VKORC1L1: variants seen among roughly 807,000 people sequenced by gnomAD.
The protein encoded by VKORC1L1 is vitamin K epoxide reductase complex subunit 1L1, also known as vitamin K epoxide reductase complex subunit 1-like protein 1.
Under a neutral mutation model 18.9 loss-of-function variants are expected in VKORC1L1, and 2 were observed. The observed-to-expected ratio is 0.11, with a 90% CI of 0.04 to 0.33. The LOEUF (loss-of-function observed/expected upper bound fraction) is 0.33, where lower values mean the gene tolerates loss of function less well. Among genes scored for constraint, VKORC1L1 ranks in the 10% least tolerant of loss-of-function variants. The pLI, the probability that VKORC1L1 is intolerant of heterozygous loss-of-function variation, is 1.00. For synonymous variants in VKORC1L1, 96 were observed against 100.0 expected, an observed-to-expected ratio of 0.96 and a Z score of 0.24; for missense variants, 123 against 224.1, an observed-to-expected ratio of 0.55 and a Z score of 2.88.
intron 1 of VKORC1L1, among the ~76,000 whole-genome samples, chr7:65,896,956 A>G (rs1789224050): frequency 6.6e-6 from 1 of 152,140 alleles, no homozygotes; most frequent in South Asian, 2.1e-4. Flanking sequence ...CCGAGATCGC[A>G]CCATTGCACT....
At chr7:65,926,034 A>G (rs1490974309) in intron 1 of VKORC1L1, among the ~76,000 whole-genome samples, 1 of 152,078 alleles carries the variant, frequency 6.6e-6, no homozygotes, top group Non-Finnish European at 1.5e-5. Context: ...ACTCTGCTTA[A>G]TTATTCACCT....
intron 1 of VKORC1L1, among the ~76,000 whole-genome samples, chr7:65,887,762 A>G (rs1381880503): frequency 6.6e-6 from 1 of 152,196 alleles, no homozygotes; most frequent in Non-Finnish European, 1.5e-5. Context: ...CATAGTATTC[A>G]TTGTAAGAAT....
upstream of VKORC1L1, among the ~76,000 whole-genome samples, chr7:65,870,433 AT>A (rs1788712767): frequency 6.6e-6 from 1 of 152,102 alleles, no homozygotes; most frequent in Non-Finnish European, 1.5e-5. Context: ...TCTGTCTCAA[AT>A]TTAAAAATAA....
chr7:65,893,880 A>C (rs1789147449), intron 1 of VKORC1L1, among the ~76,000 whole-genome samples: 1 of 152,164 alleles, frequency 6.6e-6, no homozygotes, highest in African/African-American at 2.4e-5. Context: ...TACATTTTAG[A>C]ATCAGCTGTG....
Position 65,957,731 on chromosome 7 carries a change from C to T in VKORC1L1, c.*3431C>T, listed in dbSNP as rs545472348. The T allele has an allele frequency of 2.6e-5, 4 of 152,266 alleles. No individual in the cohort carries two copies. The East Asian group carries it at 7.7e-4, about 29-fold the overall frequency. 9.4% of individuals were successfully genotyped at this position (152,266 alleles called of 1,614,324 possible). ...CCTGTAATGCCAGCTCCTCCAGAGG[C>T]TGAGGCAGGAGAATTGCTTGAACCC... On this transcript the variant is annotated 3_prime_UTR_variant, in exon 3 of 3. Transcript: ENST00000360768.
At chr7:65,932,447 C>T (rs887992059) in intron 1 of VKORC1L1, among the ~76,000 whole-genome samples, 6 of 152,248 alleles carry the variant, frequency 3.9e-5, no homozygotes, top group African/African-American at 1.4e-4. Context: ...TAATTTTAAA[C>T]TTTCCTTTCT....
intron 1 of VKORC1L1, among the ~76,000 whole-genome samples, chr7:65,925,844 A>G (rs1025129296): frequency 3.3e-5 from 5 of 152,196 alleles, no homozygotes; most frequent in African/African-American, 9.7e-5. Context: ...ATAAAACCAC[A>G]GGACAAAAAG....
At chr7:65,869,554 G>A (rs1480726253), upstream of VKORC1L1, among the ~76,000 whole-genome samples, 2 of 150,912 alleles carry the variant, frequency 1.3e-5, no homozygotes, top group East Asian at 1.9e-4. Context: ...TGAGTCAGGC[G>A]AATTGCATGC....
intron 1 of VKORC1L1, among the ~76,000 whole-genome samples, chr7:65,937,047 A>G (rs1223685794): frequency 6.6e-6 from 1 of 152,238 alleles, no homozygotes; most frequent in East Asian, 1.9e-4. Context: ...CGCTGTCATC[A>G]TGCTCTCCAG....
intron 1 of VKORC1L1, among the ~76,000 whole-genome samples, chr7:65,923,252 A>G (rs954151612): frequency 6.6e-6 from 1 of 152,074 alleles, no homozygotes; most frequent in African/African-American, 2.4e-5. Flanking sequence ...AATCACAAAA[A>G]TTAGCCGGGT....
intron 1 of VKORC1L1, among the ~76,000 whole-genome samples, chr7:65,947,167 A>G (rs1242631706): frequency 6.6e-6 from 1 of 152,048 alleles, no homozygotes; most frequent in African/African-American, 2.4e-5. Context: ...ACAAACAAAA[A>G]GGATTGCATA....
intron 1 of VKORC1L1, among the ~76,000 whole-genome samples, chr7:65,898,684 T>A (rs6971690): frequency 0.32 from 48,940 of 152,114 alleles, 8,912 homozygotes; most frequent in East Asian, 0.46. Context: ...TTTTTTAAAA[T>A]TTTTAATTGT....
At chr7:65,944,557 A>T (rs956530494) in intron 1 of VKORC1L1, among the ~76,000 whole-genome samples, 1 of 151,736 alleles carries the variant, frequency 6.6e-6, no homozygotes, top group Non-Finnish European at 1.5e-5. Context: ...ATGGGTGTTT[A>T]TTACACTCTT....
intron 2 of VKORC1L1, 146 bp downstream of exon 2, chr7:65,948,926 C>A: frequency 9.8e-7 from 1 of 1,020,604 alleles, no homozygotes; most frequent in Non-Finnish European, 1.4e-6. Context: ...AAACTTGATT[C>A]ACTGAGATTT....
At chr7:65,885,287 C>T (rs1354228897) in intron 1 of VKORC1L1, among the ~76,000 whole-genome samples, 4 of 151,932 alleles carry the variant, frequency 2.6e-5, no homozygotes, top group Non-Finnish European at 4.4e-5. Context: ...CTTTAGATGT[C>T]ACAATGGTTA....
intron 2 of VKORC1L1, among the ~76,000 whole-genome samples, chr7:65,950,755 CTATT>C (rs899660101): frequency 6.6e-6 from 1 of 152,124 alleles, no homozygotes; most frequent in Admixed American, 6.5e-5. Context: ...GATAAAGACA[CTATT>C]TAGTGAAAAA....
intron 1 of VKORC1L1, among the ~76,000 whole-genome samples, chr7:65,874,924 G>A (rs916085557): frequency 4.6e-5 from 7 of 152,138 alleles, no homozygotes; most frequent in African/African-American, 1.4e-4. Flanking sequence ...CTGCATGTTT[G>A]TGCATAAAAC....
In VKORC1L1 at chr7:65,954,449, A is replaced by C; in HGVS notation, c.*149A>C. ...CTGATTTTTAAAAATCCGGTAAATT[A>C]GAAGGGGCCCTCGCTATTTTCTGTG... On this transcript the variant is annotated 3_prime_UTR_variant, in exon 3 of 3. Transcript: ENST00000360768. 7.7e-7 allele frequency: 1 copy of C among 1,292,378 alleles called. No homozygotes were observed. The highest frequency in any genetic ancestry group is 1.0e-6 in the Non-Finnish European group (1 of 984,990). The allele number at this position is 1,292,378 out of a possible 1,614,324, so 80.1% of individuals were successfully genotyped here.
chr7:65,869,878 C>T (rs1042436034), upstream of VKORC1L1, among the ~76,000 whole-genome samples: 1 of 151,522 alleles, frequency 6.6e-6, no homozygotes, highest in African/African-American at 2.4e-5. Context: ...TGGTTGATAA[C>T]TCCTGGCCTC....
Sources: allele counts gnomAD v4.1 joint callset (sites outside exome capture counted in the v4.1 genomes callset), GRCh38; gene constraint gnomAD v4.1.1; transcripts MANE v1.5; gene names NCBI Gene and HGNC (gene_info 2026-07-23, HGNC 2026-07-21).